Variants in FAM228B observed in about 807,000 individuals in gnomAD.
FAM228B encodes the protein protein FAM228B.
FAM228B carries 38 observed loss-of-function variants against 42.6 expected under a neutral mutation model. The observed-to-expected ratio is 0.89, with a 90% confidence interval of 0.69 to 1.17. The LOEUF is 1.17. Among genes scored for constraint, FAM228B ranks in the 50% most tolerant of loss-of-function variants. FAM228B has a pLI of 0.00. For missense variants in FAM228B, 344 were observed against 367.3 expected (o/e 0.94, Z 0.52); for synonymous variants, 109 against 122.3 (o/e 0.89, Z 0.72).
rs151252976 is a variant in FAM228B at position 24,083,245 on chromosome 2, T to C, written c.-210+2290T>C. On this transcript the variant is annotated intron_variant, in intron 2 of 10. Transcript: ENST00000613899. Reference sequence around the variant, plus strand: ...CCCTTCCAAGATCCCCTCTTTTTTTTTTCAAAAATAAATTTCAGAATGAAG... The same window carrying C: ...CCCTTCCAAGATCCCCTCTTTTTTTCTTCAAAAATAAATTTCAGAATGAAG... The C allele has an allele frequency of 9.0e-4, 1,321 of 1,473,300 alleles. 2 individuals are homozygous for C. Among genetic ancestry groups the C allele is most frequent in the Admixed American group, 1.6e-3 (68 of 42,248 alleles). 91.3% of individuals were successfully genotyped at this position (1,473,300 alleles called of 1,614,324 possible). A position where few individuals can be genotyped will look rare whatever the true frequency, so the allele number is the denominator to read the frequency against.
chr2:24,110,239 G>T (rs971233323), intron 3 of FAM228B, among the ~76,000 whole-genome samples: 3 of 152,130 alleles, frequency 2.0e-5, no homozygotes, highest in African/African-American at 4.8e-5. Flanking sequence ...AGGAGAACAC[G>T]TGGATACTAG....
intron 5 of FAM228B, among the ~76,000 whole-genome samples, chr2:24,139,933 A>G (rs1472539666): frequency 6.6e-6 from 1 of 152,138 alleles, no homozygotes; most frequent in Non-Finnish European, 1.5e-5. Context: ...CTCCCTCAAT[A>G]GTTTATTATT....
rs573480652 is a variant in FAM228B, at chr2:24,124,104, A to G, written c.-32-226A>G. The G allele has an allele frequency of 1.7e-3, 525 of 312,352 alleles. 1 individual carries two copies. Among genetic ancestry groups the G allele is most frequent in the Middle Eastern group, 3.6e-3 (4 of 1,112 alleles). 19.3% of individuals were successfully genotyped at this position (312,352 alleles called of 1,614,324 possible). ...GCCTTGGAGGGGGACGTGGGAATCCATTCCAAGGGACGGGGGATTCTTTCA... is the reference window on the plus strand; with the variant it reads ...GCCTTGGAGGGGGACGTGGGAATCCGTTCCAAGGGACGGGGGATTCTTTCA... On this transcript the variant is annotated intron_variant, in intron 1 of 10. Transcript: ENST00000615575.
intron 7 of FAM228B, among the ~76,000 whole-genome samples, chr2:24,156,778 C>T (rs1178301209): frequency 7.9e-5 from 2 of 25,344 alleles, no homozygotes; most frequent in East Asian, 3.2e-3. Context: ...CTTTCCGCCC[C>T]CCCCCCCCCA....
chr2:24,116,162 A>G (rs969028912), intron 3 of FAM228B, among the ~76,000 whole-genome samples: 6 of 152,022 alleles, frequency 3.9e-5, no homozygotes, highest in Non-Finnish European at 4.4e-5. Context: ...ATTCATCTCT[A>G]CTAAAAATAC....
At chr2:24,163,073 C>T (rs1573787611) in intron 8 of FAM228B, among the ~76,000 whole-genome samples, 1 of 152,090 alleles carries the variant, frequency 6.6e-6, no homozygotes, top group South Asian at 2.1e-4. Flanking sequence ...ATATAAATTA[C>T]ACCTTATTAA....
chr2:24,084,096 G>T lies in FAM228B; in HGVS notation c.-210+3141G>T. ...AGCTGCCTGCTGGGTGTGGAGCGGT[G>T]CACGCCTTCACGTCTGGTCAATGTC... On this transcript the variant is annotated intron_variant, in intron 2 of 10. Transcript: ENST00000613899. This position sits in a 1 kb window ranked among gnomAD's most constrained non-coding sequence, Gnocchi z 8.4. The T allele has an allele frequency of 2.0e-6, 3 of 1,488,022 alleles. No individual in the cohort carries two copies. In the East Asian group the frequency reaches 7.1e-5, roughly 35 times the overall value. 92.2% of individuals were successfully genotyped at this position (1,488,022 alleles called of 1,614,324 possible). A position where few individuals can be genotyped will look rare whatever the true frequency, so the allele number is the denominator to read the frequency against.
rs566384421 is a variant in FAM228B, at chr2:24,151,994, G to A, written c.686+4908G>A. Among the ~76,000 whole-genome samples the A allele has an allele frequency of 6.6e-5, 10 of 151,842 alleles. No homozygotes were observed. In the South Asian group the frequency reaches 1.3e-3, roughly 19 times the overall value. Reference sequence around the variant, plus strand: ...AGCAATTCTCCTGCCTCAGCCTCCCGAGTAGCTGGGATTACAGATGTGTGC... The same window carrying A: ...AGCAATTCTCCTGCCTCAGCCTCCCAAGTAGCTGGGATTACAGATGTGTGC... On this transcript the variant is annotated intron_variant, in intron 7 of 10. Coordinates refer to ENST00000615575, the MANE Select transcript of FAM228B (RefSeq NM_001145710.2).
chr2:24,096,030 G>A (rs1476221767), intron 3 of FAM228B: 1 of 152,314 alleles, frequency 6.6e-6, no homozygotes, highest in African/African-American at 2.4e-5. Context: ...CCGACCTGCA[G>A]CTGAGGGACC....
chr2:24,084,479 G>A lies in FAM228B; in HGVS notation c.-210+3524G>A, dbSNP rs1201032571. 9.7e-7 allele frequency: 1 copy of A among 1,030,718 alleles called. No homozygotes were observed. The allele number at this position is 1,030,718 out of a possible 1,614,324, so 63.8% of individuals were successfully genotyped here. A position where few individuals can be genotyped will look rare whatever the true frequency, so the allele number is the denominator to read the frequency against. On this transcript the variant is annotated intron_variant, in intron 2 of 10. Coordinates refer to the FAM228B transcript ENST00000613899. This position sits in a 1 kb window ranked among gnomAD's most constrained non-coding sequence, Gnocchi z 8.4. ...GGCTGGCACCGCAGCGCCCCCTGCC[G>A]GCCAGCGCCTCGCTGCCCTGGTCTG...
intron 7 of FAM228B, among the ~76,000 whole-genome samples, chr2:24,155,300 C>A (rs182204813): frequency 6.6e-6 from 1 of 151,764 alleles, no homozygotes; most frequent in East Asian, 1.9e-4. Context: ...TTAATGACCA[C>A]CATTAATGAC....
rs150111369 is a variant in FAM228B, at chr2:24,169,175, C to T, written c.*15-181C>T. On this transcript the variant is annotated intron_variant, in intron 10 of 10. Coordinates refer to ENST00000615575, the MANE Select transcript of FAM228B (RefSeq NM_001145710.2). The surrounding 1 kb of genome is among the most constrained non-coding windows in gnomAD (Gnocchi z 4.2). ...TCTCAGTGCTTCTGACTCCAGACAG[C>T]GCGAGGAAAGGCTGAGGCAGGAGGC... Among the ~76,000 whole-genome samples, 18 of 152,270 alleles carry T rather than the reference C, an allele frequency of 1.2e-4. No individual in the cohort carries two copies. The highest frequency in any genetic ancestry group is 3.4e-4 in the African/African-American group (14 of 41,538).
At chr2:24,079,078 G>C (rs1664883785) in intron 1 of FAM228B, 1 of 189,272 alleles carries the variant, frequency 5.3e-6, no homozygotes, top group African/African-American at 2.3e-5. Flanking sequence ...GAAGGCCAAG[G>C]CTTACTTATT....
intron 10 of FAM228B, among the ~76,000 whole-genome samples, chr2:24,168,278 GT>G (rs2151035094): frequency 6.6e-6 from 1 of 152,282 alleles, no homozygotes; most frequent in East Asian, 1.9e-4. Context: ...AAGGCCGAGG[GT>G]TAGTCCTGCG....
chr2:24,124,803 G>A (rs1666265251), intron 2 of FAM228B, among the ~76,000 whole-genome samples: 1 of 152,014 alleles, frequency 6.6e-6, no homozygotes, highest in Admixed American at 6.6e-5. Flanking sequence ...CTGGAATCAA[G>A]CCATCCTTCC....
chr2:24,096,767 T>TA (rs1665505632), intron 3 of FAM228B: 1 of 152,036 alleles, frequency 6.6e-6, no homozygotes, highest in Admixed American at 6.6e-5. Flanking sequence ...ACATTCAAAT[T>TA]CAGAAAATAC....
chr2:24,105,718 A>G (rs991933632), intron 3 of FAM228B, among the ~76,000 whole-genome samples: 2 of 152,220 alleles, frequency 1.3e-5, no homozygotes, highest in African/African-American at 4.8e-5. Context: ...AATAATCACA[A>G]TAAAACAATA....
intron 3 of FAM228B, chr2:24,097,451 C>CAAAAAAAAAAAAAAAA (rs142500481): frequency 1.4e-5 from 1 of 70,378 alleles, no homozygotes; most frequent in African/African-American, 5.7e-5. Flanking sequence ...AAATGGAAAG[C>CAAAAAAAAAAAAAAAA]AAAAAAAAAA....
At chr2:24,122,326 CAA>C (rs71397404), upstream of FAM228B, 1,847 of 739,296 alleles carry the variant, frequency 2.5e-3, no homozygotes, top group East Asian at 3.7e-3. Context: ...AATTCCGTCT[CAA>C]AAAAAAAAAA....
Sources: allele counts gnomAD v4.1 joint callset (sites outside exome capture counted in the v4.1 genomes callset), GRCh38; gene constraint gnomAD v4.1.1; non-coding constraint Gnocchi (gnomAD v3.1); transcripts MANE v1.5; gene names NCBI Gene and HGNC (gene_info 2026-07-23, HGNC 2026-07-21).